Variants in ATG5 observed in about 807,000 individuals in gnomAD.
The protein encoded by ATG5 is autophagy protein 5.
A neutral mutation model predicts 36.5 loss-of-function variants in ATG5; 14 were observed. The ratio of observed to expected loss-of-function variants is 0.38; its 90% CI spans 0.25 to 0.60. ATG5 has a LOEUF of 0.60. ATG5 is among the 20% of genes least tolerant of loss of function. The probability of loss-of-function intolerance (pLI) is 0.60; values close to 1 mark genes in which losing one functional copy is unlikely to be tolerated. For missense variants in ATG5, 195 were observed against 326.7 expected (o/e 0.60, Z 3.11); for synonymous variants, 95 against 101.5 (o/e 0.94, Z 0.38).
intron 6 of ATG5, among the ~76,000 whole-genome samples, chr6:106,204,606 G>A (rs1582545895): frequency 6.6e-6 from 1 of 152,150 alleles, no homozygotes; most frequent in Admixed American, 6.5e-5. Context: ...GGTCATAGGG[G>A]TGGTTTTCCT....
chr6:106,317,058 T>C (rs1445735562), intron 1 of ATG5, among the ~76,000 whole-genome samples: 5 of 152,174 alleles, frequency 3.3e-5, no homozygotes, highest in African/African-American at 4.8e-5. Context: ...TAGCACTAGA[T>C]CTGCAAAACA....
At chr6:106,315,970 A>AT (rs888491437) in intron 2 of ATG5, 131 bp downstream of exon 2, 32 of 675,908 alleles carry the variant, frequency 4.7e-5, no homozygotes, top group East Asian at 1.4e-4. Context: ...ATCTGTGTTA[A>AT]TTTTTTTTCC....
At chr6:106,291,889 G>A (rs1445973554) in intron 4 of ATG5, among the ~76,000 whole-genome samples, 1 of 152,200 alleles carries the variant, frequency 6.6e-6, no homozygotes, top group Admixed American at 6.5e-5. Flanking sequence ...ATGGTATTGT[G>A]CAAAGCACAT....
intron 6 of ATG5, among the ~76,000 whole-genome samples, chr6:106,240,894 C>A (rs1582596591): frequency 6.6e-6 from 1 of 152,106 alleles, no homozygotes. Context: ...GGCTCATGCC[C>A]GTAATCCCAG....
At chr6:106,245,993 T>A (rs1778315592) in intron 6 of ATG5, among the ~76,000 whole-genome samples, 1 of 152,096 alleles carries the variant, frequency 6.6e-6, no homozygotes, top group African/African-American at 2.4e-5. Context: ...GAAGACTGAA[T>A]ACCAAATAGG....
At chr6:106,244,459 C>T (rs900354366) in intron 6 of ATG5, among the ~76,000 whole-genome samples, 10 of 152,166 alleles carry the variant, frequency 6.6e-5, no homozygotes, top group South Asian at 2.1e-4. Flanking sequence ...ATACTTACAA[C>T]GTCCCCCTTT....
rs1257533950 is a variant in ATG5, at chr6:106,284,729, T to G, written c.316-4906A>C. ...AACTCGTTGTGTGGGGTTTTTTTTG[T>G]TTTTTTTTTTTGCTTTTCCCTAAAA... On this transcript the variant is annotated intron_variant, in intron 4 of 7. Coordinates refer to ENST00000369076, the MANE Select transcript of ATG5 (RefSeq NM_004849.4). Among the ~76,000 whole-genome samples, 6 of 114,044 alleles carry G rather than the reference T, an allele frequency of 5.3e-5. No individual in the cohort carries two copies. In the South Asian group the frequency reaches 1.0e-3, roughly 19 times the overall value. 74.8% of individuals were successfully genotyped at this position (114,044 alleles called of 152,430 possible).
chr6:106,190,804 A>T (rs960253434), intron 7 of ATG5, among the ~76,000 whole-genome samples: 1 of 152,224 alleles, frequency 6.6e-6, no homozygotes, highest in Non-Finnish European at 1.5e-5. Flanking sequence ...TGGAAATCAC[A>T]AAGTTAAAAT....
At chr6:106,211,060 C>T (rs988195106) in intron 6 of ATG5, among the ~76,000 whole-genome samples, 2 of 152,102 alleles carry the variant, frequency 1.3e-5, no homozygotes, top group East Asian at 1.9e-4. Flanking sequence ...GTTTTACATA[C>T]ATTAAGAATT....
chr6:106,254,246 T>C (rs998843589), intron 5 of ATG5, among the ~76,000 whole-genome samples: 2 of 152,232 alleles, frequency 1.3e-5, no homozygotes, highest in Non-Finnish European at 2.9e-5. Flanking sequence ...ACAGTCCCAC[T>C]TTCCAATCAT....
intron 6 of ATG5, among the ~76,000 whole-genome samples, chr6:106,233,080 A>G (rs1479379650): frequency 6.6e-6 from 1 of 152,160 alleles, no homozygotes; most frequent in East Asian, 1.9e-4. Flanking sequence ...CAGTTCAGAA[A>G]CCTTGTGCCA....
At chr6:106,207,323 A>G (rs1010216848) in intron 6 of ATG5, among the ~76,000 whole-genome samples, 2 of 152,192 alleles carry the variant, frequency 1.3e-5, no homozygotes, top group African/African-American at 4.8e-5. Flanking sequence ...AAGCAGAAAA[A>G]CGAAACTTAT....
intron 4 of ATG5, among the ~76,000 whole-genome samples, chr6:106,287,313 C>T (rs563812838): frequency 6.6e-6 from 1 of 152,284 alleles, no homozygotes; most frequent in East Asian, 1.9e-4. Flanking sequence ...CTCAGTCACA[C>T]AAAAATACTC....
chr6:106,301,275 G>A (rs1178325352), intron 3 of ATG5, among the ~76,000 whole-genome samples: 1 of 151,942 alleles, frequency 6.6e-6, no homozygotes, highest in Non-Finnish European at 1.5e-5. Context: ...CTCCTTGTAA[G>A]CTCTCTACAA....
chr6:106,195,364 A>T (rs1238796863), intron 7 of ATG5, among the ~76,000 whole-genome samples: 1 of 152,168 alleles, frequency 6.6e-6, no homozygotes, highest in Non-Finnish European at 1.5e-5. Flanking sequence ...ACTTAAGTTG[A>T]ATGCAGGTGT....
At chr6:106,245,120 A>G (rs963260901) in intron 6 of ATG5, among the ~76,000 whole-genome samples, 3 of 152,190 alleles carry the variant, frequency 2.0e-5, no homozygotes, top group Non-Finnish European at 4.4e-5. Context: ...ACACCAAACT[A>G]AACTGTTATG....
chr6:106,292,615 G>C (rs972557220), intron 4 of ATG5, among the ~76,000 whole-genome samples: 1 of 151,956 alleles, frequency 6.6e-6, no homozygotes, highest in Non-Finnish European at 1.5e-5. Flanking sequence ...TTTTCTAGCC[G>C]ACTTTTAAAA....
intron 6 of ATG5, among the ~76,000 whole-genome samples, chr6:106,205,386 G>A (rs1266709345): frequency 1.3e-5 from 2 of 152,184 alleles, no homozygotes; most frequent in Non-Finnish European, 2.9e-5. Flanking sequence ...TGAAATGTGA[G>A]GTGGCTTTGC....
In ATG5 at chr6:106,284,150, C is replaced by T. The variant is rs560827321; in HGVS notation, c.316-4327G>A. Among the ~76,000 whole-genome samples the T allele has an allele frequency of 1.4e-4, 22 of 152,186 alleles. No homozygotes were observed. In the South Asian group the frequency reaches 2.3e-3, roughly 16 times the overall value. On this transcript the variant is annotated intron_variant, in intron 4 of 7. Transcript: ENST00000369076. ...GCTTTTGTGTGGACGCAAGTTATTT[C>T]CCTATTTTGCATATCAGAATTACAT...
Sources: gnomAD v4.1 joint callset for allele counts (sites outside exome capture counted in the v4.1 genomes callset) on GRCh38, gnomAD v4.1.1 for gene constraint, MANE v1.5 for transcripts, NCBI Gene and HGNC (gene_info 2026-07-23, HGNC 2026-07-21) for gene names.